The following SEC63 variants were observed in gnomAD, a reference collection of about 807,000 sequenced individuals.
The protein encoded by SEC63 is translocation protein SEC63 homolog.
SEC63 carries 56 observed loss-of-function variants against 116.2 expected under a neutral mutation model. That is an observed-to-expected ratio of 0.48 (90% confidence interval 0.39 to 0.60). The LOEUF (loss-of-function observed/expected upper bound fraction) is 0.60. Ranked by LOEUF, SEC63 falls within the 20% of genes least tolerant of loss-of-function variation. SEC63 has a pLI of 0.00. For synonymous variants in SEC63, 273 were observed against 294.6 expected (o/e 0.93, Z 0.75); for missense variants, 668 against 900.0 (o/e 0.74, Z 3.30).
intron 19 of SEC63, among the ~76,000 whole-genome samples, chr6:107,875,524 C>T (rs12189983): frequency 0.2 from 30,150 of 152,086 alleles, 3,672 homozygotes; most frequent in Middle Eastern, 0.29. Flanking sequence ...TGGGTAAACC[C>T]TGTCTCTACA....
At chr6:107,903,619 T>C (rs934445304) in intron 11 of SEC63, among the ~76,000 whole-genome samples, 6 of 152,158 alleles carry the variant, frequency 3.9e-5, no homozygotes, top group African/African-American at 1.4e-4. Flanking sequence ...GTAGAAGGAC[T>C]GCTTGAGCCC....
intron 14 of SEC63, among the ~76,000 whole-genome samples, chr6:107,896,716 C>T (rs1206939679): frequency 2.6e-5 from 4 of 152,138 alleles, no homozygotes; most frequent in Admixed American, 6.5e-5. Flanking sequence ...CGGTAGCTCA[C>T]GCCTGTAATC....
intron 16 of SEC63, among the ~76,000 whole-genome samples, chr6:107,889,630 T>C (rs992478998): frequency 6.6e-6 from 1 of 152,168 alleles, no homozygotes; most frequent in Non-Finnish European, 1.5e-5. Flanking sequence ...CTGCTAGCTT[T>C]TGAATTTGTT....
intron 12 of SEC63, among the ~76,000 whole-genome samples, chr6:107,902,322 A>C (rs958374233): frequency 6.6e-6 from 1 of 152,150 alleles, no homozygotes; most frequent in Non-Finnish European, 1.5e-5. Context: ...CATATACAAA[A>C]TAATGTTTAA....
chr6:107,926,241 G>A (rs74997704), intron 2 of SEC63, among the ~76,000 whole-genome samples: 1 of 152,222 alleles, frequency 6.6e-6, no homozygotes, highest in East Asian at 1.9e-4. Flanking sequence ...TTATAAATAA[G>A]TGCATAAAGT....
At chr6:107,878,738 C>T (rs1786337807) in intron 18 of SEC63, among the ~76,000 whole-genome samples, 1 of 152,044 alleles carries the variant, frequency 6.6e-6, no homozygotes, top group African/African-American at 2.4e-5. Context: ...GCCTGCAATC[C>T]CAGCTACTCG....
intron 10 of SEC63, 76 bp downstream of exon 10, chr6:107,906,372 A>G: frequency 6.7e-7 from 1 of 1,488,590 alleles, no homozygotes. Context: ...GAACAAACTA[A>G]TACACACCAT....
Position 107,921,831 on chromosome 6 carries a change from C to A in SEC63, c.418G>T (p.Val140Phe), listed in dbSNP as rs1348570519. The part of the protein sequence containing the change: ...KYHPDKGGDE[V>F]MFMRIAKAYA... ...GCTTTTGCTATCCTCATGAACATAACCTCATCACCTCCTTTATCTGGATGA... is the reference window on the plus strand; with the variant it reads ...GCTTTTGCTATCCTCATGAACATAAACTCATCACCTCCTTTATCTGGATGA... Residue 140 changes from valine (V) to phenylalanine (F), a missense_variant, in exon 4 of 21, where the codon GTT (valine) becomes TTT (phenylalanine). Physicochemically the swap from Val to Phe is conservative, Grantham distance 50 (BLOSUM62 -1). Transcript: ENST00000369002. 1.2e-6 allele frequency: 2 copies of A among 1,611,068 alleles called. No individual in the cohort carries two copies. The highest frequency in any genetic ancestry group is 1.7e-5 in the Admixed American group (1 of 59,942).
chr6:107,883,373 C>T, intron 16 of SEC63: 1 of 500,834 alleles, frequency 2.0e-6, no homozygotes, highest in East Asian at 3.4e-5. Flanking sequence ...TTATTTTATT[C>T]ATTCTTCATA....
intron 20 of SEC63, among the ~76,000 whole-genome samples, chr6:107,872,385 A>G (rs1421123650): frequency 6.6e-6 from 1 of 152,214 alleles, no homozygotes; most frequent in Non-Finnish European, 1.5e-5. Flanking sequence ...GCTCAAGTGA[A>G]TTGGTAAACA....
At chr6:107,946,393 G>A (rs1016144454) in intron 1 of SEC63, among the ~76,000 whole-genome samples, 1 of 151,694 alleles carries the variant, frequency 6.6e-6, no homozygotes, top group South Asian at 2.1e-4. Context: ...TAGTAGAGAC[G>A]GAGTTTCACC....
chr6:107,909,917 T>C (rs1255690376), intron 7 of SEC63, among the ~76,000 whole-genome samples: 1 of 152,192 alleles, frequency 6.6e-6, no homozygotes, highest in East Asian at 1.9e-4. Flanking sequence ...GTATGGTATC[T>C]CCGTATTATA....
intron 16 of SEC63, among the ~76,000 whole-genome samples, chr6:107,884,453 A>G (rs1030156549): frequency 2.6e-5 from 4 of 152,142 alleles, no homozygotes; most frequent in Admixed American, 2.0e-4. Context: ...GAATAATGTT[A>G]CGCCAACAAA....
chr6:107,942,206 T>A (rs1214252430), intron 1 of SEC63, among the ~76,000 whole-genome samples: 1 of 152,168 alleles, frequency 6.6e-6, no homozygotes, highest in Admixed American at 6.5e-5. Flanking sequence ...CCCAGAAGTA[T>A]AATTACTAGG....
At chr6:107,899,029 T>C (rs916226396) in intron 13 of SEC63, among the ~76,000 whole-genome samples, 1 of 152,214 alleles carries the variant, frequency 6.6e-6, no homozygotes, top group Non-Finnish European at 1.5e-5. Flanking sequence ...CACATATTCA[T>C]CTACATTTTT....
intron 19 of SEC63, 65 bp from the exon 20 acceptor site, chr6:107,872,977 T>C: frequency 9.9e-7 from 1 of 1,014,564 alleles, no homozygotes; most frequent in Non-Finnish European, 1.5e-6. Context: ...CTCCCTAAAA[T>C]TCCTAGACCA....
chr6:107,923,810 G>A (rs372538350), intron 3 of SEC63, among the ~76,000 whole-genome samples: 3 of 151,402 alleles, frequency 2.0e-5, no homozygotes, highest in East Asian at 3.9e-4. Context: ...GTAAGCCACC[G>A]TTCCTGGCTG....
At chr6:107,931,974 T>C (rs1787821927) in intron 1 of SEC63, 1 of 153,444 alleles carries the variant, frequency 6.5e-6, no homozygotes, top group Non-Finnish European at 1.4e-5. Context: ...AGTTCAAATG[T>C]CCTAGGAAGA....
chr6:107,903,498 G>A (rs1410126784), intron 11 of SEC63, among the ~76,000 whole-genome samples: 1 of 152,044 alleles, frequency 6.6e-6, no homozygotes, highest in African/African-American at 2.4e-5. Flanking sequence ...GCCAGGAGTT[G>A]GAAACCAGAC....
Sources: allele counts gnomAD v4.1 joint callset (sites outside exome capture counted in the v4.1 genomes callset), GRCh38; gene constraint gnomAD v4.1.1; transcripts MANE v1.5; gene names NCBI Gene and HGNC (gene_info 2026-07-23, HGNC 2026-07-21).